SIK3: variants seen among roughly 807,000 people sequenced by gnomAD.
SIK3 encodes the protein SIK family kinase 3, also known as serine/threonine-protein kinase SIK3.
SIK3 carries 28 observed loss-of-function variants against 144.2 expected under a neutral mutation model. The ratio of observed to expected loss-of-function variants is 0.19; its 90% confidence interval spans 0.14 to 0.27. SIK3 has a LOEUF of 0.27. SIK3 is among the 10% of genes least tolerant of loss of function. The probability of loss-of-function intolerance (pLI) is 1.00; values close to 1 mark genes in which losing one functional copy is unlikely to be tolerated. For synonymous variants in SIK3, 686 were observed against 676.3 expected (o/e 1.01, Z -0.22); for missense variants, 1,319 against 1,776.0 (o/e 0.74, Z 4.62).
intron 16 of SIK3, 144 bp from the exon 17 acceptor site, chr11:116,862,471 T>A: frequency 1.0e-6 from 1 of 970,660 alleles, no homozygotes; most frequent in Non-Finnish European, 1.6e-6. Context: ...ATTAACTCAT[T>A]TACCTAAGTA....
At position 116,895,913 on chromosome 11, in the gene SIK3, ACTG is replaced by A. The variant is rs113476217; in HGVS notation, c.865+337_865+339del. 9.1e-4 allele frequency among the ~76,000 whole-genome samples: 138 copies of A among 152,352 alleles called. No homozygotes were observed. In the Middle Eastern group the frequency reaches 0.014, roughly 15 times the overall value. On this transcript the variant is annotated intron_variant, in intron 6 of 24. Transcript: ENST00000445177. The stretch of plus-strand genomic sequence containing the variant: ...GTGAAACAAAAGCATTTATTGCATT[ACTG>A]CTATGCCATGGGCCTACTGAGTCTT...
intron 3 of SIK3, among the ~76,000 whole-genome samples, chr11:116,932,762 A>G (rs1024603637): frequency 6.6e-6 from 1 of 152,174 alleles, no homozygotes. Context: ...AAACAGAATC[A>G]TACAGTCGGC....
At chr11:117,013,913 A>G (rs375076933) in intron 1 of SIK3, among the ~76,000 whole-genome samples, 871 of 23,252 alleles carry the variant, frequency 0.037, 48 homozygotes, top group Middle Eastern at 0.071. Flanking sequence ...GGGGGGGGGG[A>G]GGGTGTGTGT....
Position 116,844,167 on chromosome 11 carries a change from C to T in SIK3, c.*1476G>A, listed in dbSNP as rs1941736855. The T allele has an allele frequency of 6.6e-6, 1 of 152,156 alleles. No homozygotes were observed. Among genetic ancestry groups the T allele is most frequent in the Non-Finnish European group, 1.5e-5 (1 of 68,050 alleles). 9.4% of individuals were successfully genotyped at this position (152,156 alleles called of 1,614,324 possible). A position where few individuals can be genotyped will look rare whatever the true frequency, so the allele number is the denominator to read the frequency against. ...TCTCAGCCCCAGCCAGCAGAGAAGA[C>T]TTTGGTTTCTAACAATGAAGAGAAA... On this transcript the variant is annotated 3_prime_UTR_variant, in exon 25 of 25. Coordinates refer to ENST00000445177, the MANE Select transcript of SIK3 (RefSeq NM_001366686.3).
chr11:117,081,988 A>G lies in SIK3; in HGVS notation c.273+16155T>C, dbSNP rs11216268. Among the ~76,000 whole-genome samples, 667 of 152,346 alleles carry G rather than the reference A, an allele frequency of 4.4e-3. 6 individuals carry two copies. Among genetic ancestry groups the G allele is most frequent in the African/African-American group, 0.015 (640 of 41,578 alleles). ...AAAAATGGGCAAAGGATGTTAATAG[A>G]CATTTCTCCAAAGGAAATATACAAA... On this transcript the variant is annotated intron_variant, in intron 1 of 24. Coordinates refer to ENST00000445177, the MANE Select transcript of SIK3 (RefSeq NM_001366686.3).
At chr11:116,911,081 C>T (rs1467118126) in intron 4 of SIK3, among the ~76,000 whole-genome samples, 1 of 151,992 alleles carries the variant, frequency 6.6e-6, no homozygotes, top group Admixed American at 6.6e-5. Flanking sequence ...GTGCAGTGAA[C>T]CATGATCATG....
At chr11:116,933,887 C>T (rs1210734003) in intron 3 of SIK3, among the ~76,000 whole-genome samples, 2 of 152,202 alleles carry the variant, frequency 1.3e-5, no homozygotes, top group South Asian at 2.1e-4. Flanking sequence ...TTTTGTTCTA[C>T]TATAATCACA....
chr11:116,946,900 G>A (rs1410140509), intron 3 of SIK3, among the ~76,000 whole-genome samples: 1 of 151,810 alleles, frequency 6.6e-6, no homozygotes. Flanking sequence ...CAGATCACAA[G>A]GTCAGGAGAT....
At chr11:117,076,977 G>C (rs996588919) in intron 1 of SIK3, among the ~76,000 whole-genome samples, 1 of 152,166 alleles carries the variant, frequency 6.6e-6, no homozygotes, top group Non-Finnish European at 1.5e-5. Flanking sequence ...GCAACAAACC[G>C]AGACACTGTC....
intron 1 of SIK3, among the ~76,000 whole-genome samples, chr11:116,972,238 G>A (rs1459991394): frequency 2.0e-5 from 3 of 152,252 alleles, no homozygotes; most frequent in Middle Eastern, 3.4e-3. Context: ...AGTACTGAAT[G>A]GCAGAGGCAG....
chr11:116,927,412 T>C (rs1947334825), intron 3 of SIK3, 32 bp from the exon 4 acceptor site: 1 of 1,602,280 alleles, frequency 6.2e-7, no homozygotes, highest in South Asian at 1.1e-5. Context: ...TCAGTTTTCA[T>C]TTTGGACACT....
chr11:117,062,012 A>T (rs1953816260), intron 1 of SIK3, among the ~76,000 whole-genome samples: 1 of 151,148 alleles, frequency 6.6e-6, no homozygotes, highest in Non-Finnish European at 1.5e-5. Flanking sequence ...GCAATTGGGT[A>T]TAGATTTTTT....
At position 116,896,172 on chromosome 11, in the gene SIK3, C is replaced by T. The variant is rs2134758814; in HGVS notation, c.865+81G>A. 2.5e-6 allele frequency: 4 copies of T among 1,573,554 alleles called. No individual in the cohort carries two copies. In the South Asian group the frequency reaches 4.6e-5, roughly 18 times the overall value. ...AGGTTGTAAGTGGGCCATTTATACTCCATCACTAAATTCCTGGGATAACTG... is the reference window on the plus strand; with the variant it reads ...AGGTTGTAAGTGGGCCATTTATACTTCATCACTAAATTCCTGGGATAACTG... On this transcript the variant is annotated intron_variant, in intron 6 of 24. Coordinates refer to ENST00000445177, the MANE Select transcript of SIK3 (RefSeq NM_001366686.3).
intron 4 of SIK3, among the ~76,000 whole-genome samples, chr11:116,917,385 A>G (rs1382492590): frequency 6.6e-6 from 1 of 152,168 alleles, no homozygotes; most frequent in East Asian, 1.9e-4. Flanking sequence ...ATAGAATATC[A>G]ATGTTCTTCT....
intron 1 of SIK3, among the ~76,000 whole-genome samples, chr11:117,019,415 A>C (rs1951673510): frequency 6.6e-6 from 1 of 152,214 alleles, no homozygotes; most frequent in South Asian, 2.1e-4. Context: ...ACAAGTACTA[A>C]TTTTACAAAT....
chr11:116,955,372 C>T (rs1315048084), intron 2 of SIK3, among the ~76,000 whole-genome samples: 2 of 151,928 alleles, frequency 1.3e-5, no homozygotes, highest in Middle Eastern at 3.2e-3. Flanking sequence ...CACTCCAGCC[C>T]GGGCAACAGA....
At chr11:117,047,616 C>T (rs1166123469) in intron 1 of SIK3, among the ~76,000 whole-genome samples, 1 of 152,174 alleles carries the variant, frequency 6.6e-6, no homozygotes, top group African/African-American at 2.4e-5. Flanking sequence ...AGACTTGGTT[C>T]ATTTATCGGA....
At chr11:117,039,478 GA>G (rs1258601387) in intron 1 of SIK3, among the ~76,000 whole-genome samples, 3 of 152,158 alleles carry the variant, frequency 2.0e-5, no homozygotes, top group Non-Finnish European at 4.4e-5. Flanking sequence ...ACTAATGTAT[GA>G]TGTTTGCAGT....
At chr11:116,863,090 AG>A (rs1445797703) in intron 16 of SIK3, among the ~76,000 whole-genome samples, 2 of 150,286 alleles carry the variant, frequency 1.3e-5, no homozygotes, top group Non-Finnish European at 3.0e-5. Flanking sequence ...AAAAAAAAAA[AG>A]TAGCACCTTC....
Sources: allele counts gnomAD v4.1 joint callset (sites outside exome capture counted in the v4.1 genomes callset), GRCh38; gene constraint gnomAD v4.1.1; transcripts MANE v1.5; gene names NCBI Gene and HGNC (gene_info 2026-07-23, HGNC 2026-07-21).